The following ADORA2B variants were observed in gnomAD, a reference collection of about 807,000 sequenced individuals.
ADORA2B encodes adenosine A2b receptor.
Under a neutral mutation model 20.8 loss-of-function variants are expected in ADORA2B, and 18 were observed. The observed-to-expected ratio is 0.87, with a 90% CI of 0.60 to 1.29. The LOEUF (loss-of-function observed/expected upper bound fraction) is 1.29. Ranked by LOEUF, ADORA2B falls within the 50% of genes most tolerant of loss-of-function variation. The probability of loss-of-function intolerance (pLI) is 0.00; values close to 1 mark genes in which losing one functional copy is unlikely to be tolerated. For missense variants in ADORA2B, 441 were observed against 422.7 expected (o/e 1.04, Z -0.38); for synonymous variants, 179 against 178.3 (o/e 1.00, Z -0.03).
chr17:15,895,110 C>T, the ADORA2B span, among the ~76,000 whole-genome samples: 1 of 152,012 alleles, frequency 6.6e-6, no homozygotes, highest in Non-Finnish European at 1.5e-5. Context: ...TGAAGGCCTT[C>T]AACTGATTAG....
upstream of ADORA2B, among the ~76,000 whole-genome samples, chr17:15,944,054 C>T (rs779945340): frequency 6.6e-6 from 1 of 152,080 alleles, no homozygotes; most frequent in African/African-American, 2.4e-5. This position sits in a 1 kb window ranked among gnomAD's most constrained non-coding sequence, Gnocchi z 4.8. Flanking sequence ...TAAAAGGAAG[C>T]AAGTCTCTGG....
In ADORA2B at chr17:15,971,146, T is replaced by C. The variant is rs566249705; in HGVS notation, c.336-3533T>C. Among the ~76,000 whole-genome samples the C allele has an allele frequency of 2.6e-5, 4 of 152,348 alleles. No homozygotes were observed. In the East Asian group the frequency reaches 7.7e-4, roughly 29 times the overall value. On this transcript the variant is annotated intron_variant, in intron 1 of 1. Transcript: ENST00000304222. Reference sequence around the variant, plus strand: ...CTGTACTCGATACAGCTTAGTCCTGTGAACAAAGGAGGAGTAAGGGCAGGC... The same window carrying C: ...CTGTACTCGATACAGCTTAGTCCTGCGAACAAAGGAGGAGTAAGGGCAGGC...
the ADORA2B span, among the ~76,000 whole-genome samples, chr17:15,902,257 G>T: frequency 6.6e-6 from 1 of 151,696 alleles, no homozygotes. Context: ...GTCATTCCAG[G>T]CTGGAGTGCA....
At chr17:15,917,598 G>A in the ADORA2B span, among the ~76,000 whole-genome samples, 1 of 152,240 alleles carries the variant, frequency 6.6e-6, no homozygotes, top group African/African-American at 2.4e-5. Context: ...CGGGGCTCCG[G>A]GCTAGGGAAC....
the ADORA2B span, among the ~76,000 whole-genome samples, chr17:15,938,945 C>T: frequency 2.0e-5 from 3 of 152,272 alleles, no homozygotes; most frequent in South Asian, 2.1e-4. Context: ...TTCTTAGTAA[C>T]GATCACTATT....
At chr17:15,882,796 GTTTC>G in the ADORA2B span, among the ~76,000 whole-genome samples, 15 of 152,018 alleles carry the variant, frequency 9.9e-5, no homozygotes, top group African/African-American at 3.1e-4. Flanking sequence ...GGTGATTTAA[GTTTC>G]TTTGTCGTCT....
At chr17:15,918,909 CAG>C in the ADORA2B span, among the ~76,000 whole-genome samples, 1 of 152,190 alleles carries the variant, frequency 6.6e-6, no homozygotes, top group African/African-American at 2.4e-5. Flanking sequence ...CTCTGTGTGA[CAG>C]GGGACAGCCA....
the ADORA2B span, among the ~76,000 whole-genome samples, chr17:15,874,394 T>A: frequency 1.5e-4 from 23 of 151,968 alleles, no homozygotes; most frequent in African/African-American, 5.3e-4. Context: ...CCTTATTTTT[T>A]AAAAGTGTCG....
At chr17:15,903,632 G>GT in the ADORA2B span, among the ~76,000 whole-genome samples, 1 of 152,140 alleles carries the variant, frequency 6.6e-6, no homozygotes, top group Non-Finnish European at 1.5e-5. Flanking sequence ...TGGGTTTTCA[G>GT]TTTCTTGTTT....
intron 1 of ADORA2B, among the ~76,000 whole-genome samples, chr17:15,968,589 G>A (rs1207804270): frequency 6.6e-6 from 1 of 152,196 alleles, no homozygotes; most frequent in Non-Finnish European, 1.5e-5. Context: ...GGCGGAGGAG[G>A]GAGCTGGAAT....
At chr17:15,869,943 T>C in the ADORA2B span, among the ~76,000 whole-genome samples, 54 of 152,336 alleles carry the variant, frequency 3.5e-4, no homozygotes, top group South Asian at 0.011. Flanking sequence ...TTTTATATCA[T>C]CAAAGCTTTT....
chr17:15,891,750 C>G, the ADORA2B span, among the ~76,000 whole-genome samples: 4 of 149,974 alleles, frequency 2.7e-5, no homozygotes, highest in East Asian at 8.0e-4. Context: ...GGCGTGATCT[C>G]GGCTCACTGC....
the ADORA2B span, among the ~76,000 whole-genome samples, chr17:15,896,495 G>C: frequency 1.3e-5 from 2 of 151,928 alleles, no homozygotes; most frequent in African/African-American, 4.8e-5. Context: ...CTAATGAATT[G>C]GGAAATAAAT....
At chr17:15,901,168 G>GA in the ADORA2B span, among the ~76,000 whole-genome samples, 1 of 152,084 alleles carries the variant, frequency 6.6e-6, no homozygotes, top group African/African-American at 2.4e-5. Context: ...GAGCTATACT[G>GA]AAATAGCTAA....
At chr17:15,971,223 G>A (rs903154864) in intron 1 of ADORA2B, among the ~76,000 whole-genome samples, 17 of 152,228 alleles carry the variant, frequency 1.1e-4, no homozygotes, top group South Asian at 2.1e-4. Context: ...TTAGGACTCC[G>A]CCTTTGGGAG....
At chr17:15,898,790 CTG>C in the ADORA2B span, among the ~76,000 whole-genome samples, 2 of 152,168 alleles carry the variant, frequency 1.3e-5, no homozygotes, top group African/African-American at 2.4e-5. Context: ...GATGGATGGT[CTG>C]TGAGGAGCTG....
At chr17:15,915,037 A>G in the ADORA2B span, among the ~76,000 whole-genome samples, 2 of 152,236 alleles carry the variant, frequency 1.3e-5, no homozygotes, top group East Asian at 1.9e-4. Context: ...GGAACTTGGT[A>G]TCTCACAGTC....
chr17:15,926,031 C>T, the ADORA2B span, among the ~76,000 whole-genome samples: 1 of 151,796 alleles, frequency 6.6e-6, no homozygotes, highest in South Asian at 2.1e-4. Flanking sequence ...ATTTTTTTCT[C>T]CAAAGCAATT....
At chr17:15,904,767 TG>T in the ADORA2B span, among the ~76,000 whole-genome samples, 1 of 152,360 alleles carries the variant, frequency 6.6e-6, no homozygotes, top group Non-Finnish European at 1.5e-5. Flanking sequence ...GGGTTTTTTT[TG>T]TTGTTGCATA....
Sources: allele counts gnomAD v4.1 joint callset (sites outside exome capture counted in the v4.1 genomes callset), GRCh38; gene constraint gnomAD v4.1.1; non-coding constraint Gnocchi (gnomAD v3.1); transcripts MANE v1.5; gene names NCBI Gene and HGNC (gene_info 2026-07-23, HGNC 2026-07-21).